Variants in ATP2A2 observed in about 807,000 individuals in gnomAD.
ATP2A2 encodes the protein sarcoplasmic/endoplasmic reticulum calcium ATPase 2.
Under a neutral mutation model 109.3 loss-of-function variants are expected in ATP2A2, and 14 were observed. The observed-to-expected ratio is 0.13, with a 90% CI of 0.08 to 0.20. The LOEUF (loss-of-function observed/expected upper bound fraction) is 0.20. Among genes scored for constraint, ATP2A2 ranks in the 10% least tolerant of loss-of-function variants. ATP2A2 has a pLI of 1.00. For missense variants in ATP2A2, 657 were observed against 1,321.6 expected (o/e 0.50, Z 7.80); for synonymous variants, 506 against 490.9 (o/e 1.03, Z -0.41).
At chr12:110,333,429 G>A in intron 10 of ATP2A2, 146 bp downstream of exon 10, 1 of 761,810 alleles carries the variant, frequency 1.3e-6, no homozygotes, top group Non-Finnish European at 2.3e-6. Context: ...CCTGATGGTG[G>A]GGCCAGCATG....
At chr12:110,316,072 G>A (rs1252507563) in intron 5 of ATP2A2, among the ~76,000 whole-genome samples, 4 of 152,212 alleles carry the variant, frequency 2.6e-5, no homozygotes, top group African/African-American at 9.6e-5. Flanking sequence ...GGGCAACAAA[G>A]CTAGTCTCCA....
intron 8 of ATP2A2, 112 bp downstream of exon 8, chr12:110,328,129 G>C: frequency 9.3e-7 from 1 of 1,072,830 alleles, no homozygotes; most frequent in Non-Finnish European, 1.4e-6. Context: ...TCTGTGGGCT[G>C]TATGTATAGC....
chr12:110,281,243 T>G (rs1872042104), upstream of ATP2A2: 1 of 151,020 alleles, frequency 6.6e-6, no homozygotes, highest in Non-Finnish European at 1.5e-5. Flanking sequence ...GGCCGATAAA[T>G]GCTATTAGAG....
rs552805722 is a variant in ATP2A2 at position 110,291,007 on chromosome 12, C to G, written c.220-1013C>G. 6.6e-5 allele frequency among the ~76,000 whole-genome samples: 10 copies of G among 152,032 alleles called. No homozygotes were observed. The East Asian group carries it at 1.9e-3, about 29-fold the overall frequency. On this transcript the variant is annotated intron_variant, in intron 3 of 19. Transcript: ENST00000539276. ...CACCGCAACCTCTGCCTCCCGGGTT[C>G]AAGCGATTCTCCTGCCTCAGCCTCC...
chr12:110,324,611 G>A lies in ATP2A2; in HGVS notation c.544+1539G>A, dbSNP rs896274687. Among the ~76,000 whole-genome samples, 9 of 152,022 alleles carry A rather than the reference G, an allele frequency of 5.9e-5. No homozygotes were observed. In the South Asian group the frequency reaches 1.5e-3, roughly 25 times the overall value. ...TTATTTTTGTATTTTTAGTAGAGACGGGGTTTCACTGTGTTGGTCAGGCTG... is the reference window on the plus strand; with the variant it reads ...TTATTTTTGTATTTTTAGTAGAGACAGGGTTTCACTGTGTTGGTCAGGCTG... On this transcript the variant is annotated intron_variant, in intron 6 of 19. Transcript: ENST00000539276.
At chr12:110,319,254 C>T (rs961454919) in intron 5 of ATP2A2, among the ~76,000 whole-genome samples, 4 of 146,408 alleles carry the variant, frequency 2.7e-5, no homozygotes, top group Non-Finnish European at 4.5e-5. Context: ...AAAGTGGATT[C>T]CTAGACCCCA....
chr12:110,293,864 G>GTGTGTA (rs1262234570), intron 4 of ATP2A2, among the ~76,000 whole-genome samples: 10 of 84,862 alleles, frequency 1.2e-4, no homozygotes, highest in Middle Eastern at 6.8e-3. Flanking sequence ...GTGTGTGTGT[G>GTGTGTA]TATATATTTT....
At chr12:110,299,235 T>G (rs1874294188) in intron 5 of ATP2A2, among the ~76,000 whole-genome samples, 1 of 151,730 alleles carries the variant, frequency 6.6e-6, no homozygotes, top group African/African-American at 2.4e-5. Context: ...CCTCCCAAAA[T>G]GCTGGGATTA....
At chr12:110,313,072 G>A (rs1161128490) in intron 5 of ATP2A2, among the ~76,000 whole-genome samples, 3 of 152,042 alleles carry the variant, frequency 2.0e-5, no homozygotes, top group African/African-American at 7.2e-5. Flanking sequence ...ATTAAGAACT[G>A]TGAGAAATGA....
chr12:110,326,007 G>T, intron 6 of ATP2A2: 1 of 267,588 alleles, frequency 3.7e-6, no homozygotes, highest in South Asian at 4.1e-5. Flanking sequence ...AAAAGTATCA[G>T]TATATATGTT....
chr12:110,347,769 C>T lies in ATP2A2; in HGVS notation c.*1299C>T. ...CTAACTGTGGTGTTTTCCTCCAATG[C>T]CTTCCAACATCCATCAACTAACGTG... On this transcript the variant is annotated 3_prime_UTR_variant, in exon 20 of 20. Transcript: ENST00000539276. The T allele has an allele frequency of 9.4e-7, 1 of 1,066,094 alleles. No homozygotes were observed. Among genetic ancestry groups the T allele is most frequent in the Non-Finnish European group, 1.1e-6 (1 of 877,106 alleles). The allele number at this position is 1,066,094 out of a possible 1,614,324, so 66.0% of individuals were successfully genotyped here. A position where few individuals can be genotyped will look rare whatever the true frequency, so the allele number is the denominator to read the frequency against.
chr12:110,301,584 C>T (rs557161820), intron 5 of ATP2A2, among the ~76,000 whole-genome samples: 2 of 152,170 alleles, frequency 1.3e-5, no homozygotes, highest in Admixed American at 6.5e-5. Context: ...CATCTCACAC[C>T]GCAGCTGTCA....
intron 5 of ATP2A2, among the ~76,000 whole-genome samples, chr12:110,307,620 CTA>C (rs1194388227): frequency 6.6e-6 from 1 of 152,036 alleles, no homozygotes; most frequent in Non-Finnish European, 1.5e-5. Context: ...GCATTTTTTC[CTA>C]TGTTGACTAC....
At chr12:110,334,330 A>G in intron 11 of ATP2A2, 187 bp downstream of exon 11, 1 of 786,618 alleles carries the variant, frequency 1.3e-6, no homozygotes, top group Non-Finnish European at 2.1e-6. Flanking sequence ...AGGAAAATAA[A>G]AGCAATCAAT....
chr12:110,350,199 C>G lies in ATP2A2; in HGVS notation c.*3729C>G. On this transcript the variant is annotated 3_prime_UTR_variant, in exon 20 of 20. Coordinates refer to ENST00000539276, the MANE Select transcript of ATP2A2 (RefSeq NM_170665.4). ...GATCAAGCTGAATGTTCCTTTTCAT[C>G]TGTCGCTGTTGATCTTCATCTATTT... The G allele has an allele frequency of 1.2e-6, 2 of 1,612,328 alleles. No homozygotes were observed. Among genetic ancestry groups the G allele is most frequent in the South Asian group, 1.1e-5 (1 of 90,856 alleles).
Position 110,308,397 on chromosome 12 carries a change from G to A in ATP2A2, c.463+11660G>A, listed in dbSNP as rs566523786. 3.9e-5 allele frequency among the ~76,000 whole-genome samples: 6 copies of A among 152,242 alleles called. 1 individual carries two copies. Among genetic ancestry groups the A allele is most frequent in the African/African-American group, 1.4e-4 (6 of 41,542 alleles). ...ATGTTGAGGAAGCCTAGTTACAGCT[G>A]TAATATTTAGGTTGTCAGTATACTC... On this transcript the variant is annotated intron_variant, in intron 5 of 19. Transcript: ENST00000539276.
chr12:110,325,534 T>A (rs1427747676), intron 6 of ATP2A2, among the ~76,000 whole-genome samples: 1 of 151,158 alleles, frequency 6.6e-6, no homozygotes, highest in Non-Finnish European at 1.5e-5. Flanking sequence ...CTTGGGAGGC[T>A]GAGGCTGGAA....
In ATP2A2 at chr12:110,348,558, AGACC is replaced by A. The variant is rs1305067859; in HGVS notation, c.*2092_*2095del. 2 of 985,392 alleles carry A rather than the reference AGACC, an allele frequency of 2.0e-6. No homozygotes were observed. Among genetic ancestry groups the A allele is most frequent in the Non-Finnish European group, 2.4e-6 (2 of 830,044 alleles). The allele number at this position is 985,392 out of a possible 1,614,324, so 61.0% of individuals were successfully genotyped here. On this transcript the variant is annotated 3_prime_UTR_variant, in exon 20 of 20. Transcript: ENST00000539276. ...TTCAAGGGATGGAGGTGGAACCTGG[AGACC>A]GACTCTTAAAAGCACAGTCCGTGGT...
At position 110,288,860 on chromosome 12, in the gene ATP2A2, G is replaced by A. The variant is rs7138246; in HGVS notation, c.220-3160G>A. Among the ~76,000 whole-genome samples, 1,232 of 152,202 alleles carry A rather than the reference G, an allele frequency of 8.1e-3. 1 individual carries two copies. Among genetic ancestry groups the A allele is most frequent in the Non-Finnish European group, 9.5e-3 (643 of 68,024 alleles). On this transcript the variant is annotated intron_variant, in intron 3 of 19. Transcript: ENST00000539276. ...ATAATACTGCAGTAAGGGATCTTGCGTTTCAGTAATGTCACTCATCCAGTT... is the reference window on the plus strand; with the variant it reads ...ATAATACTGCAGTAAGGGATCTTGCATTTCAGTAATGTCACTCATCCAGTT...
Sources: gnomAD v4.1 joint callset for allele counts (sites outside exome capture counted in the v4.1 genomes callset) on GRCh38, gnomAD v4.1.1 for gene constraint, MANE v1.5 for transcripts, NCBI Gene and HGNC (gene_info 2026-07-23, HGNC 2026-07-21) for gene names.